The following PCDHA9 variants were observed in gnomAD, a reference collection of about 807,000 sequenced individuals.
The protein encoded by PCDHA9 is protocadherin alpha-9.
In PCDHA9, 62 loss-of-function variants were observed where a neutral mutation model predicts 62.0. The ratio of observed to expected loss-of-function variants is 1.00; its 90% CI spans 0.81 to 1.23. The LOEUF (loss-of-function observed/expected upper bound fraction) is 1.23. Among genes scored for constraint, PCDHA9 ranks in the 50% most tolerant of loss-of-function variants. The pLI, the probability that PCDHA9 is intolerant of heterozygous loss-of-function variation, is 0.00. For missense variants in PCDHA9, 1,205 were observed against 1,249.8 expected (o/e 0.96, Z 0.54); for synonymous variants, 557 against 567.6 (o/e 0.98, Z 0.27).
chr5:140,891,123 T>G (rs2153433075), intron 1 of PCDHA9, among the ~76,000 whole-genome samples: 1 of 152,342 alleles, frequency 6.6e-6, no homozygotes, highest in East Asian at 1.9e-4. Context: ...AATCTAAATG[T>G]CATTCCTTTA....
intron 1 of PCDHA9, among the ~76,000 whole-genome samples, chr5:140,919,973 A>T (rs1554199334): frequency 7.5e-6 from 1 of 133,994 alleles, no homozygotes; most frequent in Non-Finnish European, 1.7e-5. Context: ...TAAATAAGAG[A>T]TAGAAGATGG....
chr5:140,883,834 G>T (rs891069385), intron 1 of PCDHA9: 3 of 1,612,540 alleles, frequency 1.9e-6, no homozygotes, highest in Non-Finnish European at 2.5e-6. Context: ...CGCTGCAGCC[G>T]TTGGACCACG....
intron 1 of PCDHA9, among the ~76,000 whole-genome samples, chr5:140,872,813 A>G (rs2053916797): frequency 6.6e-6 from 1 of 152,208 alleles, no homozygotes; most frequent in Non-Finnish European, 1.5e-5. Flanking sequence ...TAAGTTTTTC[A>G]GATTCATCTA....
At chr5:140,882,592 G>T in intron 1 of PCDHA9, 1 of 1,614,272 alleles carries the variant, frequency 6.2e-7, no homozygotes, top group Non-Finnish European at 8.5e-7. Context: ...ACCTGGAGGT[G>T]ATCGTGGACA....
Position 140,927,828 on chromosome 5 carries a change from G to A in PCDHA9, c.2395-51121G>A, listed in dbSNP as rs782244639. The A allele has an allele frequency of 7.4e-6, 12 of 1,614,074 alleles. No individual in the cohort carries two copies. The South Asian group carries it at 9.9e-5, about 13-fold the overall frequency. On this transcript the variant is annotated intron_variant, in intron 1 of 3. Coordinates refer to ENST00000532602, the MANE Select transcript of PCDHA9 (RefSeq NM_031857.2). ...CGCTCTTGGAGGCATACATTGAGGC[G>A]AGGGACGAAGGTGTCTTTGGTTTAG...
intron 1 of PCDHA9, among the ~76,000 whole-genome samples, chr5:140,950,372 C>G (rs1369892292): frequency 1.3e-5 from 2 of 151,918 alleles, no homozygotes; most frequent in African/African-American, 4.8e-5. Context: ...ATCTATTTAT[C>G]TTCCATTTGA....
chr5:140,976,615 G>C (rs1264627090), intron 1 of PCDHA9, among the ~76,000 whole-genome samples: 2 of 152,102 alleles, frequency 1.3e-5, no homozygotes, highest in Admixed American at 1.3e-4. Context: ...AAACATGACT[G>C]TCAGCTGAAC....
intron 1 of PCDHA9, among the ~76,000 whole-genome samples, chr5:140,872,173 T>C (rs2053523271): frequency 6.6e-6 from 1 of 152,224 alleles, no homozygotes; most frequent in Non-Finnish European, 1.5e-5. Flanking sequence ...TTCTTTTTTT[T>C]TTTTACAGTG....
intron 1 of PCDHA9, among the ~76,000 whole-genome samples, chr5:140,886,698 C>A (rs578140955): frequency 2.0e-5 from 3 of 151,820 alleles, no homozygotes; most frequent in Non-Finnish European, 4.4e-5. Flanking sequence ...TGGTGGCACG[C>A]GCCTGTAATC....
intron 1 of PCDHA9, among the ~76,000 whole-genome samples, chr5:140,908,419 A>G (rs782714084): frequency 6.6e-6 from 1 of 152,196 alleles, no homozygotes; most frequent in Non-Finnish European, 1.5e-5. Context: ...TGATGATGGA[A>G]TGCTGCTGTG....
At chr5:141,008,352 A>C (rs549122044) in intron 3 of PCDHA9, among the ~76,000 whole-genome samples, 2 of 152,322 alleles carry the variant, frequency 1.3e-5, no homozygotes, top group South Asian at 4.1e-4. Flanking sequence ...TTCACGTGTC[A>C]ACCAAAGGAG....
intron 1 of PCDHA9, among the ~76,000 whole-genome samples, chr5:140,914,132 T>G (rs1554196213): frequency 6.6e-6 from 1 of 152,152 alleles, no homozygotes; most frequent in Non-Finnish European, 1.5e-5. Context: ...CTTTGTTGAG[T>G]TTTTGTCTGT....
At chr5:140,900,373 G>T (rs1225159327) in intron 1 of PCDHA9, among the ~76,000 whole-genome samples, 2 of 152,118 alleles carry the variant, frequency 1.3e-5, no homozygotes, top group Non-Finnish European at 2.9e-5. Flanking sequence ...TGCCTCCTGG[G>T]TTCAAGCGAT....
In PCDHA9 at chr5:140,969,369, C is replaced by A. The variant is rs782020561; in HGVS notation, c.2395-9580C>A. The A allele has an allele frequency of 1.3e-5, 21 of 1,607,718 alleles. 2 individuals carry two copies. In the South Asian group the frequency reaches 2.3e-4, roughly 18 times the overall value. ...TCAGGGGGTCTTCTACAAACTCATG[C>A]ATTTGTTACACATCCCCCAATATCC... is the stretch of plus-strand genomic sequence containing the variant. On this transcript the variant is annotated intron_variant, in intron 1 of 3. Transcript: ENST00000532602.
At chr5:140,946,875 G>C (rs1283632599) in intron 1 of PCDHA9, among the ~76,000 whole-genome samples, 2 of 151,288 alleles carry the variant, frequency 1.3e-5, no homozygotes, top group Non-Finnish European at 3.0e-5. Context: ...TGGTCAATGG[G>C]TACGAAGTTA....
rs2150414189 is a variant in PCDHA9, at chr5:140,848,601, C to T, written c.106C>T (p.Pro36Ser). ...GAGCGGCCAGCTCCACTACTCCGTCCCGGAGGAAGCCGAACACGGCACCTT... is the reference window on the plus strand; with the variant it reads ...GAGCGGCCAGCTCCACTACTCCGTCTCGGAGGAAGCCGAACACGGCACCTT... Reference protein sequence around the residue: ...VGSGQLHYSVPEEAEHGTFVG... With the variant: ...VGSGQLHYSVSEEAEHGTFVG... Residue 36 changes from proline (P) to serine (S), a missense_variant, in exon 1 of 4, where the codon CCG becomes TCG. Pro to Ser is a moderately conservative substitution (Grantham distance 74). Around this residue, in one of 3 missense-constraint regions of PCDHA9, gnomAD observed 208 missense variants for 213.2 expected, o/e 0.98. Transcript: ENST00000532602. 4 of 1,593,618 alleles carry T rather than the reference C, an allele frequency of 2.5e-6. No individual in the cohort carries two copies. The highest frequency in any genetic ancestry group is 3.4e-5 in the Admixed American group (2 of 59,246).
intron 1 of PCDHA9, among the ~76,000 whole-genome samples, chr5:140,940,808 T>C (rs781904662): frequency 3.3e-5 from 5 of 152,232 alleles, no homozygotes; most frequent in Non-Finnish European, 7.3e-5. Context: ...TGCCAGGATA[T>C]CCTGAGATCT....
intron 1 of PCDHA9, chr5:140,876,536 T>C (rs782148318): frequency 1.2e-6 from 2 of 1,614,238 alleles, no homozygotes; most frequent in Non-Finnish European, 1.7e-6. Context: ...GTTACTTCAC[T>C]GTCGCTCCCT....
Position 140,892,963 on chromosome 5 carries a change from A to C in PCDHA9, c.2394+42074A>C, listed in dbSNP as rs138089244. Among the ~76,000 whole-genome samples, 29 of 152,284 alleles carry C rather than the reference A, an allele frequency of 1.9e-4. No individual in the cohort carries two copies. In the East Asian group the frequency reaches 5.6e-3, roughly 29 times the overall value. ...ACAATACTACTTCCATGAGCTCAAT[A>C]AAATTTTGTAGCTGCCGTATAAGTG... On this transcript the variant is annotated intron_variant, in intron 1 of 3. Transcript: ENST00000532602.
Sources: gnomAD v4.1 joint callset for allele counts (sites outside exome capture counted in the v4.1 genomes callset) on GRCh38, gnomAD v4.1.1 for gene constraint, gnomAD v4.1.1 regional missense constraint, MANE v1.5 for transcripts, NCBI Gene and HGNC (gene_info 2026-07-23, HGNC 2026-07-21) for gene names.